The following CAPN15 variants were observed in gnomAD, a reference collection of about 807,000 sequenced individuals.
CAPN15 encodes calpain-15.
A neutral mutation model predicts 97.9 loss-of-function variants in CAPN15; 53 were observed. The observed-to-expected ratio is 0.54, with a 90% CI of 0.43 to 0.68. CAPN15 has a LOEUF of 0.68. CAPN15 is among the 30% of genes least tolerant of loss of function. The probability of loss-of-function intolerance (pLI) is 0.00; values close to 1 mark genes in which losing one functional copy is unlikely to be tolerated. For missense variants in CAPN15, 1,592 were observed against 1,589.8 expected (o/e 1.00, Z -0.02); for synonymous variants, 922 against 722.5 (o/e 1.28, Z -4.43).
rs1003718627 is a variant in CAPN15, at chr16:553,677, C to T, written c.*161C>T. 1 of 536,952 alleles carries T rather than the reference C, an allele frequency of 1.9e-6. No individual in the cohort carries two copies. Among genetic ancestry groups the T allele is most frequent in the African/African-American group, 1.9e-5 (1 of 51,632 alleles). The allele number at this position is 536,952 out of a possible 1,614,324, so 33.3% of individuals were successfully genotyped here. On this transcript the variant is annotated 3_prime_UTR_variant, in exon 14 of 14. Transcript: ENST00000219611. Reference sequence around the variant, plus strand: ...AGCTTCCCATGGGCCCCCCGCCCCCCTCCTTCCCCTCCCTGAACCCCACAG... The same window carrying T: ...AGCTTCCCATGGGCCCCCCGCCCCCTTCCTTCCCCTCCCTGAACCCCACAG...
intron 1 of CAPN15, among the ~76,000 whole-genome samples, chr16:529,938 T>G (rs558006550): frequency 2.6e-4 from 39 of 152,088 alleles, no homozygotes; most frequent in Non-Finnish European, 4.6e-4. Context: ...CTCGTGCGCT[T>G]TGCTCTCCTG....
intron 1 of CAPN15, among the ~76,000 whole-genome samples, chr16:533,200 G>A (rs1173540860): frequency 3.3e-5 from 5 of 152,284 alleles, no homozygotes; most frequent in East Asian, 3.9e-4. Context: ...CAGCCTGGGT[G>A]ACAGAGCGAG....
At chr16:542,382 C>T (rs1223669429) in intron 3 of CAPN15, among the ~76,000 whole-genome samples, 3 of 152,150 alleles carry the variant, frequency 2.0e-5, no homozygotes, top group African/African-American at 4.8e-5. Flanking sequence ...GCTGCATTAC[C>T]TAGTTCCCAC....
chr16:544,786 C>G lies in CAPN15; in HGVS notation c.-22-2031C>G, dbSNP rs1409258661. Among the ~76,000 whole-genome samples the G allele has an allele frequency of 1.9e-5, 2 of 102,820 alleles. 1 individual carries two copies. Among genetic ancestry groups the G allele is most frequent in the Non-Finnish European group, 3.9e-5 (2 of 50,680 alleles). 67.5% of individuals were successfully genotyped at this position (102,820 alleles called of 152,430 possible). ...CGTCGCCTCCCCCACGTCGTCTCCC[C>G]CACGTCGTCGTCTCCCCCACGTCGC... is the stretch of plus-strand genomic sequence containing the variant. On this transcript the variant is annotated intron_variant, in intron 3 of 13. Coordinates refer to ENST00000219611, the MANE Select transcript of CAPN15 (RefSeq NM_005632.3).
intron 3 of CAPN15, chr16:540,130 C>T (rs1428586197): frequency 1.2e-5 from 12 of 985,362 alleles, no homozygotes; most frequent in Non-Finnish European, 1.1e-5. Flanking sequence ...CTCCGCTTCG[C>T]CCGCTGCTGG....
In CAPN15 at chr16:549,184, G is replaced by C; in HGVS notation, c.1641G>C (p.Gly547=). 1 of 1,606,658 alleles carries C rather than the reference G, an allele frequency of 6.2e-7. No individual in the cohort carries two copies. Among genetic ancestry groups the C allele is most frequent in the Middle Eastern group, 1.7e-4 (1 of 5,966 alleles). Residue 547 remains glycine, a synonymous_variant, in exon 5 of 14, where the codon GGG becomes GGC. Coordinates refer to ENST00000219611, the MANE Select transcript of CAPN15 (RefSeq NM_005632.3). ...TGCGGCCCTCAGACATCCTGCAGGG[G>C]CTGCTGGGGAACTGCTGGTGAGGCC... ...HTLRPSDILQ[G]LLGNCWFLSA...
At chr16:528,284 G>A (rs886485453) in intron 1 of CAPN15, among the ~76,000 whole-genome samples, 1 of 152,074 alleles carries the variant, frequency 6.6e-6, no homozygotes, top group Non-Finnish European at 1.5e-5. Flanking sequence ...AGGAAGGCGG[G>A]AAGTCGGCAG....
At chr16:546,695 C>T in intron 3 of CAPN15, 122 bp from the exon 4 acceptor site, 4 of 1,322,226 alleles carry the variant, frequency 3.0e-6, no homozygotes, top group Non-Finnish European at 2.0e-6. Flanking sequence ...ATGCTCAGCC[C>T]TAGGCCCTCG....
chr16:553,883 T>G lies in CAPN15; in HGVS notation c.*367T>G. ...CAGGAGCTCTGTCCGCAAAACCAAA[T>G]CTGGGTGTCAGAGGCCAAGACCCTG... On this transcript the variant is annotated 3_prime_UTR_variant, in exon 14 of 14. Transcript: ENST00000219611. The G allele has an allele frequency of 5.0e-6, 1 of 200,388 alleles. No homozygotes were observed. The highest frequency in any genetic ancestry group is 1.3e-4 in the East Asian group (1 of 7,848). 12.4% of individuals were successfully genotyped at this position (200,388 alleles called of 1,614,324 possible). A position where few individuals can be genotyped will look rare whatever the true frequency, so the allele number is the denominator to read the frequency against.
chr16:548,406 G>C, intron 4 of CAPN15, 119 bp downstream of exon 4: 4 of 1,037,780 alleles, frequency 3.9e-6, no homozygotes, highest in Non-Finnish European at 5.3e-6. Flanking sequence ...AGACGTGATG[G>C]GGAGGGCAGC....
chr16:534,201 G>A (rs2033500961), intron 2 of CAPN15, among the ~76,000 whole-genome samples: 2 of 152,280 alleles, frequency 1.3e-5, no homozygotes, highest in Admixed American at 6.5e-5. Context: ...TGTCGTGGGA[G>A]GCGACGGTGA....
intron 3 of CAPN15, among the ~76,000 whole-genome samples, 186 bp downstream of exon 3, chr16:536,328 T>G (rs2033721291): frequency 6.6e-6 from 1 of 152,160 alleles, no homozygotes; most frequent in African/African-American, 2.4e-5. Flanking sequence ...CCTCCCTCCT[T>G]CCCACCACTT....
intron 3 of CAPN15, 82 bp from the exon 4 acceptor site, chr16:546,735 G>C (rs2034610456): frequency 1.4e-6 from 2 of 1,459,734 alleles, no homozygotes; most frequent in Non-Finnish European, 1.8e-6. Flanking sequence ...ACAGACGGGT[G>C]CCTTCCCCAG....
chr16:551,964 GT>G, intron 9 of CAPN15, 86 bp from the exon 10 acceptor site: 2 of 1,401,922 alleles, frequency 1.4e-6, no homozygotes, highest in Non-Finnish European at 2.0e-6. Context: ...ACCTGCTGGG[GT>G]CACCGGCCTG....
At chr16:541,019 C>T (rs1021870288) in intron 3 of CAPN15, among the ~76,000 whole-genome samples, 2 of 152,214 alleles carry the variant, frequency 1.3e-5, no homozygotes, top group East Asian at 1.9e-4. Flanking sequence ...CAGTGGCCGC[C>T]GTTGCTCTCA....
chr16:549,235 T>TGGGCGGGC, intron 5 of CAPN15, 34 bp downstream of exon 5: 1 of 53,106 alleles, frequency 1.9e-5, no homozygotes. Context: ...GTGGGGCGGG[T>TGGGCGGGC]GGGCGGGCGA....
chr16:549,061 C>G lies in CAPN15; in HGVS notation c.1518C>G (p.Asp506Glu). The G allele has an allele frequency of 6.2e-7, 1 of 1,612,738 alleles. No homozygotes were observed. The highest frequency in any genetic ancestry group is 8.5e-7 in the Non-Finnish European group (1 of 1,179,944). ...GPESVGFPAG[D>E]SVQQRVRQWL... ...AGTCTGTCGGCTTCCCCGCGGGTGA[C>G]AGCGTGCAGCAGCGTGTGAGGCAGT... is the stretch of plus-strand genomic sequence containing the variant. The change falls in exon 5 of 14, where the codon GAC becomes GAG. Residue 506 changes from aspartate (D) to glutamate (E), a missense_variant. This residue lies in a region of CAPN15 where 883 missense variants were observed against 776.6 expected (regional missense o/e 1.14). Coordinates refer to ENST00000219611, the MANE Select transcript of CAPN15 (RefSeq NM_005632.3).
chr16:529,317 CCTGTAATGCTGCAT>C (rs1169458367), intron 1 of CAPN15, among the ~76,000 whole-genome samples: 4 of 152,076 alleles, frequency 2.6e-5, no homozygotes, highest in Non-Finnish European at 5.9e-5. Flanking sequence ...TGGCTGGTCC[CCTGTAATGCTGCAT>C]CTGTGTGACA....
rs746341412 is a variant in CAPN15 at position 553,046 on chromosome 16, G to GCCCCCGCCCCTGCC, written c.3083+11_3083+24dup. On this transcript the variant is annotated splice_donor_region_variant and intron_variant, in intron 13 of 13. Transcript: ENST00000219611. ...TAGCGTGCCACCCCTGCACAGGTGC[G>GCCCCCGCCCCTGCC]CCCCCGCCCCTGCCCCCCCACCCCT... The GCCCCCGCCCCTGCC allele has an allele frequency of 7.3e-7, 1 of 1,375,532 alleles. No individual in the cohort carries two copies. The highest frequency in any genetic ancestry group is 1.3e-5 in the South Asian group (1 of 75,312). 85.2% of individuals were successfully genotyped at this position (1,375,532 alleles called of 1,614,324 possible). A position where few individuals can be genotyped will look rare whatever the true frequency, so the allele number is the denominator to read the frequency against.
Sources: gnomAD v4.1 joint callset for allele counts (sites outside exome capture counted in the v4.1 genomes callset) on GRCh38, gnomAD v4.1.1 for gene constraint, gnomAD v4.1.1 regional missense constraint, MANE v1.5 for transcripts, NCBI Gene and HGNC (gene_info 2026-07-23, HGNC 2026-07-21) for gene names.